Variants in UBE2E2 observed in about 807,000 individuals in gnomAD.
UBE2E2 encodes the protein ubiquitin-conjugating enzyme E2 E2.
A neutral mutation model predicts 24.7 loss-of-function variants in UBE2E2; 6 were observed. The ratio of observed to expected loss-of-function variants is 0.24; its 90% CI spans 0.13 to 0.48. The LOEUF is 0.48. Ranked by LOEUF, UBE2E2 falls within the 20% of genes least tolerant of loss-of-function variation. UBE2E2 has a pLI of 0.99. For missense variants in UBE2E2, 169 were observed against 245.0 expected (o/e 0.69, Z 2.07); for synonymous variants, 104 against 83.6 (o/e 1.24, Z -1.33).
intron 1 of UBE2E2, chr3:23,204,766 T>C: frequency 2.0e-6 from 2 of 984,824 alleles, no homozygotes; most frequent in Non-Finnish European, 2.4e-6. Flanking sequence ...AGCTGGATAT[T>C]GCTGTGTGCA....
At chr3:23,562,209 C>T (rs1209610791) in intron 5 of UBE2E2, among the ~76,000 whole-genome samples, 1 of 152,022 alleles carries the variant, frequency 6.6e-6, no homozygotes, top group Non-Finnish European at 1.5e-5. Context: ...GTGGGTTTGT[C>T]ATAGATAGCT....
chr3:23,573,449 T>G (rs1696271936), intron 5 of UBE2E2, among the ~76,000 whole-genome samples: 2 of 152,190 alleles, frequency 1.3e-5, no homozygotes. Context: ...GAAAATATTT[T>G]TTCCACACAT....
At chr3:23,587,833 G>A (rs1696662248) in intron 5 of UBE2E2, among the ~76,000 whole-genome samples, 1 of 152,210 alleles carries the variant, frequency 6.6e-6, no homozygotes, top group East Asian at 1.9e-4. Context: ...CTGAGAAAAT[G>A]AAGAAGAATC....
intron 3 of UBE2E2, among the ~76,000 whole-genome samples, chr3:23,370,171 T>A (rs1283850437): frequency 6.6e-6 from 1 of 152,202 alleles, no homozygotes; most frequent in East Asian, 1.9e-4. Flanking sequence ...CTTCTTTAAT[T>A]TTTTTTCTTT....
chr3:23,309,913 A>G (rs551553781), intron 3 of UBE2E2, among the ~76,000 whole-genome samples: 37 of 152,260 alleles, frequency 2.4e-4, no homozygotes, highest in African/African-American at 7.9e-4. Context: ...GTCTAGAGGA[A>G]GGTGGAGGAA....
At position 23,290,626 on chromosome 3, in the gene UBE2E2, T is replaced by C. The variant is rs541033705; in HGVS notation, c.227+73314T>C. On this transcript the variant is annotated intron_variant, in intron 3 of 5. Coordinates refer to ENST00000396703, the MANE Select transcript of UBE2E2 (RefSeq NM_152653.4). Reference sequence around the variant, plus strand: ...CGTGCCCAGTTAAGGACCAGCTCTTTGAATAGCAAAGGACAAGCTTATCAT... The same window carrying C: ...CGTGCCCAGTTAAGGACCAGCTCTTCGAATAGCAAAGGACAAGCTTATCAT... 2.4e-4 allele frequency among the ~76,000 whole-genome samples: 37 copies of C among 152,238 alleles called. No individual in the cohort carries two copies. The South Asian group carries it at 2.9e-3, about 12-fold the overall frequency.
intron 3 of UBE2E2, among the ~76,000 whole-genome samples, chr3:23,417,715 T>C (rs1697675958): frequency 6.6e-6 from 1 of 152,200 alleles, no homozygotes; most frequent in African/African-American, 2.4e-5. Context: ...TATAAACCCC[T>C]GACTAGGGCT....
intron 3 of UBE2E2, among the ~76,000 whole-genome samples, chr3:23,470,956 C>T (rs555241592): frequency 6.6e-6 from 1 of 152,230 alleles, no homozygotes; most frequent in African/African-American, 2.4e-5. Context: ...TGTTCCGACA[C>T]TTTTAACCAT....
At chr3:23,584,419 T>C (rs1043169269) in intron 5 of UBE2E2, among the ~76,000 whole-genome samples, 2 of 152,146 alleles carry the variant, frequency 1.3e-5, no homozygotes, top group Non-Finnish European at 2.9e-5. Context: ...ACCCTTTGGC[T>C]TCCAGGGTAC....
intron 3 of UBE2E2, among the ~76,000 whole-genome samples, chr3:23,254,634 A>T (rs1697664155): frequency 6.6e-6 from 1 of 152,162 alleles, no homozygotes; most frequent in Admixed American, 6.5e-5. Flanking sequence ...TTCTCATTCA[A>T]GATATTGTGT....
At chr3:23,242,264 T>C (rs1471351303) in intron 3 of UBE2E2, among the ~76,000 whole-genome samples, 4 of 152,008 alleles carry the variant, frequency 2.6e-5, no homozygotes, top group African/African-American at 4.8e-5. Context: ...GTTTTTAGTA[T>C]GATTGAATAT....
rs570242176 is a variant in UBE2E2, at chr3:23,292,104, C to T, written c.227+74792C>T. Among the ~76,000 whole-genome samples, 655 of 152,076 alleles carry T rather than the reference C, an allele frequency of 4.3e-3. 5 individuals are homozygous for T. The highest frequency in any genetic ancestry group is 0.015 in the African/African-American group (625 of 41,492). The stretch of plus-strand genomic sequence containing the variant: ...TGATCTCCTGACCTCGTGATTCGCT[C>T]ACCTTGGCCTCCCAAAGTGCTGAGA... On this transcript the variant is annotated intron_variant, in intron 3 of 5. Coordinates refer to ENST00000396703, the MANE Select transcript of UBE2E2 (RefSeq NM_152653.4).
chr3:23,216,883 G>T (rs1302734874), intron 2 of UBE2E2, among the ~76,000 whole-genome samples: 5 of 152,136 alleles, frequency 3.3e-5, no homozygotes, highest in Non-Finnish European at 7.4e-5. Flanking sequence ...CAGTCATGAT[G>T]CTTGGATTTA....
At chr3:23,211,256 T>A (rs1158468236) in intron 2 of UBE2E2, among the ~76,000 whole-genome samples, 1 of 152,148 alleles carries the variant, frequency 6.6e-6, no homozygotes, top group East Asian at 1.9e-4. Flanking sequence ...TTCACACTTT[T>A]TTGTTGACGA....
intron 3 of UBE2E2, among the ~76,000 whole-genome samples, chr3:23,288,840 A>G (rs1391269324): frequency 6.6e-6 from 1 of 152,130 alleles, no homozygotes; most frequent in East Asian, 1.9e-4. Flanking sequence ...AATGTGATGT[A>G]TGAATAGGAA....
chr3:23,535,658 C>G (rs1173089567), intron 5 of UBE2E2, among the ~76,000 whole-genome samples: 1 of 122,680 alleles, frequency 8.2e-6, no homozygotes, highest in Non-Finnish European at 1.6e-5. Context: ...GAGTCTCGCT[C>G]TGTCGCCCAG....
intron 3 of UBE2E2, among the ~76,000 whole-genome samples, chr3:23,348,896 T>A (rs528270875): frequency 6.6e-6 from 1 of 152,048 alleles, no homozygotes; most frequent in Non-Finnish European, 1.5e-5. Context: ...GAATAAAGGA[T>A]GAAGGACAAA....
intron 3 of UBE2E2, among the ~76,000 whole-genome samples, chr3:23,443,707 G>A (rs1255193549): frequency 6.6e-6 from 1 of 152,140 alleles, no homozygotes; most frequent in African/African-American, 2.4e-5. Flanking sequence ...TAGACAGCTG[G>A]ACTAAGATAC....
At chr3:23,505,866 T>G (rs1309206313) in intron 4 of UBE2E2, among the ~76,000 whole-genome samples, 1 of 152,228 alleles carries the variant, frequency 6.6e-6, no homozygotes, top group Non-Finnish European at 1.5e-5. Flanking sequence ...TCATTAGATT[T>G]TAACCTTAAA....
Sources: gnomAD v4.1 joint callset for allele counts (sites outside exome capture counted in the v4.1 genomes callset) on GRCh38, gnomAD v4.1.1 for gene constraint, MANE v1.5 for transcripts, NCBI Gene and HGNC (gene_info 2026-07-23, HGNC 2026-07-21) for gene names.